Variants in NEDD4L observed in about 807,000 individuals in gnomAD.
The protein encoded by NEDD4L is E3 ubiquitin-protein ligase NEDD4-like.
In NEDD4L, 54 loss-of-function variants were observed where a neutral mutation model predicts 148.9. The observed-to-expected ratio is 0.36, with a 90% CI of 0.29 to 0.45. The LOEUF (loss-of-function observed/expected upper bound fraction) is 0.45, where lower values mean the gene tolerates loss of function less well. NEDD4L is among the 20% of genes least tolerant of loss of function. The pLI is 1.00. For synonymous variants in NEDD4L, 433 were observed against 440.7 expected (o/e 0.98, Z 0.22); for missense variants, 856 against 1,233.8 (o/e 0.69, Z 4.59).
At chr18:58,250,150 T>C (rs1037186764) in intron 4 of NEDD4L, among the ~76,000 whole-genome samples, 13 of 151,676 alleles carry the variant, frequency 8.6e-5, no homozygotes, top group Non-Finnish European at 1.9e-4. Context: ...TTTGTTTGTT[T>C]TGTTTTGTTT....
At position 58,228,772 on chromosome 18, in the gene NEDD4L, AGAG is replaced by A. The variant is rs531870808; in HGVS notation, c.123-16653_123-16651del. On this transcript the variant is annotated intron_variant, in intron 2 of 30. Coordinates refer to ENST00000400345, the MANE Select transcript of NEDD4L (RefSeq NM_001144967.3). The stretch of plus-strand genomic sequence containing the variant: ...CTCCAAGGAAAGCTGCAGTGTGAAA[AGAG>A]GCCCAGGATGAGCGTTGGGGAGTAT... Among the ~76,000 whole-genome samples the A allele has an allele frequency of 3.3e-5, 5 of 152,324 alleles. No individual in the cohort carries two copies. The South Asian group carries it at 8.3e-4, about 25-fold the overall frequency.
At chr18:58,211,686 G>A (rs944984478) in intron 2 of NEDD4L, among the ~76,000 whole-genome samples, 4 of 152,142 alleles carry the variant, frequency 2.6e-5, no homozygotes, top group African/African-American at 4.8e-5. Context: ...AGACAAATAT[G>A]GAAAAGAAAA....
chr18:58,047,390 T>C (rs9955426), intron 1 of NEDD4L: 818,457 of 984,764 alleles, frequency 0.83, 340,488 homozygotes, highest in East Asian at 1. Flanking sequence ...TAAAGACTGT[T>C]GAGCTCTCTG....
intron 1 of NEDD4L, among the ~76,000 whole-genome samples, chr18:58,116,722 G>T (rs768296880): frequency 1.3e-5 from 2 of 152,196 alleles, no homozygotes; most frequent in Non-Finnish European, 2.9e-5. Context: ...CCAGGCCAGT[G>T]GGCTTCCTAA....
chr18:58,324,855 A>G lies in NEDD4L; in HGVS notation c.514-141A>G, dbSNP rs1304294141. 5 of 726,392 alleles carry G rather than the reference A, an allele frequency of 6.9e-6. No individual in the cohort carries two copies. In the Admixed American group the frequency reaches 1.2e-4, roughly 17 times the overall value. 45.0% of individuals were successfully genotyped at this position (726,392 alleles called of 1,614,324 possible). On this transcript the variant is annotated intron_variant, in intron 8 of 30. Coordinates refer to ENST00000400345, the MANE Select transcript of NEDD4L (RefSeq NM_001144967.3). ...TTTTTTGGCCTTCATTTGGGAATTT[A>G]CTCAAATGTGGCCCCGAAGCCATGG...
intron 5 of NEDD4L, among the ~76,000 whole-genome samples, chr18:58,262,928 A>T (rs925967874): frequency 2.6e-5 from 4 of 152,144 alleles, no homozygotes; most frequent in Admixed American, 2.0e-4. Context: ...TTCTTTCAGG[A>T]TGGAGGATGG....
At chr18:58,187,011 C>A (rs1032075784) in intron 2 of NEDD4L, among the ~76,000 whole-genome samples, 2 of 152,192 alleles carry the variant, frequency 1.3e-5, no homozygotes, top group African/African-American at 4.8e-5. Context: ...GGCATGTCTT[C>A]ACGCAGGAAA....
chr18:58,375,065 C>A (rs1407787162), intron 24 of NEDD4L, among the ~76,000 whole-genome samples: 2 of 152,140 alleles, frequency 1.3e-5, no homozygotes, highest in Non-Finnish European at 2.9e-5. Context: ...CTCATCAGTG[C>A]CACCACTGTC....
intron 1 of NEDD4L, among the ~76,000 whole-genome samples, chr18:58,160,819 T>A (rs2036107534): frequency 6.6e-6 from 1 of 152,236 alleles, no homozygotes; most frequent in South Asian, 2.1e-4. Flanking sequence ...ATGTGTAAAC[T>A]ATTTTTATAG....
intron 2 of NEDD4L, among the ~76,000 whole-genome samples, chr18:58,166,947 A>C (rs1409091221): frequency 6.6e-6 from 1 of 152,160 alleles, no homozygotes; most frequent in Non-Finnish European, 1.5e-5. Flanking sequence ...GCCATTAGTA[A>C]GCACGCCTCT....
At chr18:58,278,798 T>A (rs1382776104) in intron 5 of NEDD4L, among the ~76,000 whole-genome samples, 3 of 152,228 alleles carry the variant, frequency 2.0e-5, no homozygotes, top group Admixed American at 2.0e-4. Flanking sequence ...AGGTTGAAAA[T>A]TTTTTGAAGA....
At chr18:58,300,702 G>A (rs1159138871) in intron 5 of NEDD4L, among the ~76,000 whole-genome samples, 4 of 152,210 alleles carry the variant, frequency 2.6e-5, no homozygotes, top group African/African-American at 9.7e-5. Context: ...TCAGTTCAGT[G>A]CAGTATTACC....
At chr18:58,084,759 A>T (rs1211480118) in intron 1 of NEDD4L, among the ~76,000 whole-genome samples, 2 of 150,210 alleles carry the variant, frequency 1.3e-5, no homozygotes, top group African/African-American at 4.9e-5. Flanking sequence ...CAGTGGTATG[A>T]TCATGGCTCA....
Position 58,396,495 on chromosome 18 carries a change from A to G in NEDD4L, c.*226A>G. The G allele has an allele frequency of 2.3e-6, 1 of 432,392 alleles. No homozygotes were observed. The highest frequency in any genetic ancestry group is 4.2e-6 in the Non-Finnish European group (1 of 236,684). 26.8% of individuals were successfully genotyped at this position (432,392 alleles called of 1,614,324 possible). On this transcript the variant is annotated 3_prime_UTR_variant, in exon 31 of 31. Transcript: ENST00000400345. Reference sequence around the variant, plus strand: ...TTATCAACTGGTTGATGTGTACACTAATTACATTTCAGGAGGACTTAATGC... The same window carrying G: ...TTATCAACTGGTTGATGTGTACACTGATTACATTTCAGGAGGACTTAATGC...
chr18:58,119,772 A>T (rs886361890), intron 1 of NEDD4L, among the ~76,000 whole-genome samples: 1 of 151,690 alleles, frequency 6.6e-6, no homozygotes, highest in Non-Finnish European at 1.5e-5. Flanking sequence ...GAGGTTTAAA[A>T]CCCTACCTCT....
At chr18:58,098,950 C>G (rs1181057622) in intron 1 of NEDD4L, among the ~76,000 whole-genome samples, 1 of 152,192 alleles carries the variant, frequency 6.6e-6, no homozygotes, top group Admixed American at 6.5e-5. Flanking sequence ...AGCAGATGTT[C>G]TCAGTGAGCA....
chr18:58,181,956 C>G (rs1006049030), intron 2 of NEDD4L, among the ~76,000 whole-genome samples: 1 of 151,814 alleles, frequency 6.6e-6, no homozygotes, highest in African/African-American at 2.4e-5. Context: ...GTATTGTTAT[C>G]CCTTCCCTAT....
chr18:58,070,848 AAAAC>A (rs1458018455), intron 1 of NEDD4L, among the ~76,000 whole-genome samples: 1 of 152,200 alleles, frequency 6.6e-6, no homozygotes, highest in African/African-American at 2.4e-5. Context: ...AACAAAAAAC[AAAAC>A]AAACAGACTT....
In NEDD4L at chr18:58,385,975, A is replaced by C. The variant is rs76301779; in HGVS notation, c.2487+389A>C. Among the ~76,000 whole-genome samples, 126 of 152,106 alleles carry C rather than the reference A, an allele frequency of 8.3e-4. No individual in the cohort carries two copies. In the East Asian group the frequency reaches 0.023, roughly 28 times the overall value. On this transcript the variant is annotated intron_variant, in intron 26 of 30. Transcript: ENST00000400345. ...AAGCCCGAGGGCTCAGAGCTGAATG[A>C]TGAAGCGCAGTCCCCAAAGTGCCTG...
Sources: gnomAD v4.1 joint callset for allele counts (sites outside exome capture counted in the v4.1 genomes callset) on GRCh38, gnomAD v4.1.1 for gene constraint, MANE v1.5 for transcripts, NCBI Gene and HGNC (gene_info 2026-07-23, HGNC 2026-07-21) for gene names.